EYS: variants seen among roughly 807,000 people sequenced by gnomAD.
EYS encodes EGF-like photoreceptor maintenance factor.
Under a neutral mutation model 282.1 loss-of-function variants are expected in EYS, and 250 were observed. The ratio of observed to expected loss-of-function variants is 0.89; its 90% CI spans 0.80 to 0.98. The LOEUF (loss-of-function observed/expected upper bound fraction) is 0.98, where lower values mean the gene tolerates loss of function less well. Ranked by LOEUF, EYS falls within the 50% of genes least tolerant of loss-of-function variation. EYS has a pLI of 0.00. For synonymous variants in EYS, 1,355 were observed against 1,282.9 expected (o/e 1.06, Z -1.20); for missense variants, 4,016 against 3,709.0 (o/e 1.08, Z -2.15).
At chr6:64,089,524 G>GT (rs1261702957) in intron 31 of EYS, among the ~76,000 whole-genome samples, 1 of 147,260 alleles carries the variant, frequency 6.8e-6, no homozygotes, top group Non-Finnish European at 1.5e-5. Context: ...CTATAATATA[G>GT]TATATATAAA....
intron 12 of EYS, among the ~76,000 whole-genome samples, chr6:65,088,182 G>T (rs766742094): frequency 6.6e-6 from 1 of 152,166 alleles, no homozygotes; most frequent in Non-Finnish European, 1.5e-5. Flanking sequence ...GTGTGAGAAT[G>T]GACTAATACA....
chr6:64,699,583 A>C (rs1026833485), intron 22 of EYS, among the ~76,000 whole-genome samples: 2 of 152,158 alleles, frequency 1.3e-5, no homozygotes, highest in African/African-American at 2.4e-5. Context: ...ATACCCACAA[A>C]TCAGAAAACC....
intron 12 of EYS, among the ~76,000 whole-genome samples, chr6:65,125,673 C>G (rs1025667264): frequency 3.3e-5 from 5 of 152,122 alleles, no homozygotes; most frequent in African/African-American, 1.2e-4. Context: ...CTCCTACTCC[C>G]TCACATCTAT....
intron 30 of EYS, among the ~76,000 whole-genome samples, chr6:64,255,326 A>G (rs1767354149): frequency 6.6e-6 from 1 of 152,138 alleles, no homozygotes; most frequent in South Asian, 2.1e-4. Context: ...AACTTCCTCA[A>G]CTAAAATGAT....
At position 64,055,301 on chromosome 6, in the gene EYS, G is replaced by A. The variant is rs3013157; in HGVS notation, c.6725+11037C>T. 4.8e-3 allele frequency among the ~76,000 whole-genome samples: 730 copies of A among 152,244 alleles called. 2 individuals carry two copies. The highest frequency in any genetic ancestry group is 0.016 in the African/African-American group (660 of 41,548). On this transcript the variant is annotated intron_variant, in intron 33 of 42. Coordinates refer to ENST00000503581, the MANE Select transcript of EYS (RefSeq NM_001142800.2). The stretch of plus-strand genomic sequence containing the variant: ...TACAGCAGCAATAGAAGAAATAGGT[G>A]TATGTGTGTGTGAAAAACCATAACA...
rs80014623 is a variant in EYS at position 63,963,563 on chromosome 6, G to A, written c.7055+20820C>T. Reference sequence around the variant, plus strand: ...CCTGGCGCAGCTTGCTCACAGGACCGAGAGGTGGCATTCCTGGGTCTGGGC... The same window carrying A: ...CCTGGCGCAGCTTGCTCACAGGACCAAGAGGTGGCATTCCTGGGTCTGGGC... On this transcript the variant is annotated intron_variant, in intron 35 of 42. Coordinates refer to ENST00000503581, the MANE Select transcript of EYS (RefSeq NM_001142800.2). Among the ~76,000 whole-genome samples the A allele has an allele frequency of 1.0e-3, 154 of 152,270 alleles. 3 individuals are homozygous for A. The East Asian group carries it at 0.024, about 24-fold the overall frequency.
chr6:65,107,027 T>C (rs1775059873), intron 12 of EYS, among the ~76,000 whole-genome samples: 1 of 151,956 alleles, frequency 6.6e-6, no homozygotes, highest in African/African-American at 2.4e-5. Context: ...AGCATCAACA[T>C]AGAGTGATGT....
chr6:65,241,503 A>G (rs1458464744), intron 12 of EYS, among the ~76,000 whole-genome samples: 1 of 152,048 alleles, frequency 6.6e-6, no homozygotes, highest in African/African-American at 2.4e-5. Context: ...TAAAATCAAG[A>G]CCCACCTAAT....
At chr6:64,316,629 C>T (rs1159554603) in intron 29 of EYS, among the ~76,000 whole-genome samples, 1 of 152,104 alleles carries the variant, frequency 6.6e-6, no homozygotes, top group Non-Finnish European at 1.5e-5. Context: ...CTAAAATGGC[C>T]ATACTGCCCA....
At chr6:64,499,971 T>C (rs1292067311) in intron 26 of EYS, among the ~76,000 whole-genome samples, 1 of 152,106 alleles carries the variant, frequency 6.6e-6, no homozygotes, top group Non-Finnish European at 1.5e-5. Flanking sequence ...GGGACATTAC[T>C]ACAAGTAGAC....
chr6:64,175,726 C>G (rs535654583), intron 31 of EYS, among the ~76,000 whole-genome samples: 1 of 152,102 alleles, frequency 6.6e-6, no homozygotes, highest in Non-Finnish European at 1.5e-5. Flanking sequence ...TCCGGTCATG[C>G]CCTGTGAAGT....
intron 38 of EYS, 44 bp from the exon 39 acceptor site, chr6:63,788,293 C>T: frequency 7.0e-7 from 1 of 1,423,784 alleles, no homozygotes; most frequent in South Asian, 1.4e-5. Flanking sequence ...AATTAATTCC[C>T]CAGGGTGAAA....
intron 12 of EYS, among the ~76,000 whole-genome samples, chr6:65,278,512 C>A (rs995893271): frequency 5.3e-5 from 8 of 151,432 alleles, no homozygotes; most frequent in African/African-American, 1.7e-4. Context: ...TCTTTTGCTG[C>A]AATCTTTTTG....
chr6:64,274,349 G>T (rs1052271749), intron 30 of EYS, among the ~76,000 whole-genome samples: 1 of 151,452 alleles, frequency 6.6e-6, no homozygotes, highest in Non-Finnish European at 1.5e-5. Flanking sequence ...TAATTTTTCT[G>T]TTTAGTAGAG....
intron 22 of EYS, among the ~76,000 whole-genome samples, chr6:64,662,711 G>C (rs1769084845): frequency 6.6e-6 from 1 of 152,026 alleles, no homozygotes; most frequent in Admixed American, 6.6e-5. Flanking sequence ...TTAGGTTCCA[G>C]GTTTTGTATA....
chr6:64,245,266 A>G (rs1375622738), intron 30 of EYS, among the ~76,000 whole-genome samples: 2 of 152,130 alleles, frequency 1.3e-5, no homozygotes, highest in African/African-American at 4.8e-5. Flanking sequence ...TATTATTTTT[A>G]AAACTCTTTA....
intron 5 of EYS, among the ~76,000 whole-genome samples, chr6:65,460,710 C>A (rs1005027394): frequency 1.3e-5 from 2 of 151,914 alleles, no homozygotes; most frequent in Non-Finnish European, 2.9e-5. Context: ...GGTGTTTTGG[C>A]CTGAACAAAT....
chr6:65,543,236 C>CTCA (rs11271969), intron 2 of EYS, among the ~76,000 whole-genome samples: 112,239 of 150,732 alleles, frequency 0.74, 42,569 homozygotes, highest in African/African-American at 0.89. Context: ...CCAGGCTGGT[C>CTCA]AGGATGAACA....
rs116415947 is a variant in EYS at position 64,061,042 on chromosome 6, G to C, written c.6725+5296C>G. 2.9e-3 allele frequency among the ~76,000 whole-genome samples: 438 copies of C among 152,284 alleles called. 2 individuals carry two copies. The highest frequency in any genetic ancestry group is 0.01 in the African/African-American group (420 of 41,560). On this transcript the variant is annotated intron_variant, in intron 33 of 42. Coordinates refer to ENST00000503581, the MANE Select transcript of EYS (RefSeq NM_001142800.2). ...TTTGCTAACCAAAATAAATTATTAGGTATTAGGGTGTACCTTCAATAGACA... is the reference window on the plus strand; with the variant it reads ...TTTGCTAACCAAAATAAATTATTAGCTATTAGGGTGTACCTTCAATAGACA...
Sources: allele counts gnomAD v4.1 joint callset (sites outside exome capture counted in the v4.1 genomes callset), GRCh38; gene constraint gnomAD v4.1.1; transcripts MANE v1.5; gene names NCBI Gene and HGNC (gene_info 2026-07-23, HGNC 2026-07-21).